Variants in ORC1 observed in about 807,000 individuals in gnomAD.
ORC1 encodes the protein origin recognition complex subunit 1, also known as origin recognition complex, subunit 1 homolog.
A neutral mutation model predicts 98.9 loss-of-function variants in ORC1; 61 were observed. The ratio of observed to expected loss-of-function variants is 0.62; its 90% CI spans 0.50 to 0.76. The LOEUF (loss-of-function observed/expected upper bound fraction) is 0.76. Ranked by LOEUF, ORC1 falls within the 30% of genes least tolerant of loss-of-function variation. The pLI, the probability that ORC1 is intolerant of heterozygous loss-of-function variation, is 0.00. For synonymous variants in ORC1, 385 were observed against 406.9 expected, an observed-to-expected ratio of 0.95 and a Z score of 0.65; for missense variants, 979 against 1,072.2, an observed-to-expected ratio of 0.91 and a Z score of 1.21.
intron 8 of ORC1, among the ~76,000 whole-genome samples, chr1:52,386,889 T>G (rs1246476820): frequency 1.3e-5 from 2 of 151,830 alleles, no homozygotes; most frequent in Admixed American, 6.6e-5. Context: ...AGGTTGAGGC[T>G]ACAGTGAGTT....
chr1:52,381,531 A>G, intron 14 of ORC1, 111 bp downstream of exon 14: 1 of 1,149,060 alleles, frequency 8.7e-7, no homozygotes, highest in South Asian at 1.3e-5. Context: ...ATATTTTTAC[A>G]CGACTTTCTA....
In ORC1 at chr1:52,393,772, A is replaced by G. The variant is rs1270012260; in HGVS notation, c.753T>C (p.Thr251=). 3 of 1,613,908 alleles carry G rather than the reference A, an allele frequency of 1.9e-6. No homozygotes were observed. The highest frequency in any genetic ancestry group is 1.1e-5 in the South Asian group (1 of 91,066). The stretch of plus-strand genomic sequence containing the variant: ...CTGGAGAATCCAAGGAGGCACATGA[A>G]GTCTGCTGGGACATCTGAGGGTTAC... ...NLGNPQMSQQ[T]SCASLDSPGR... The change falls in exon 6 of 17, where the codon ACT becomes ACC. Residue 251 remains threonine (T), a synonymous_variant. Coordinates refer to ENST00000371568, the MANE Select transcript of ORC1 (RefSeq NM_004153.4).
At chr1:52,408,828 C>A, upstream of ORC1, 1 of 1,109,746 alleles carries the variant, frequency 9.0e-7, no homozygotes, top group Non-Finnish European at 1.3e-6. Flanking sequence ...GCAGGTTTTC[C>A]CTTGTCCCTC....
At chr1:52,385,568 C>CA (rs1647131127) in intron 9 of ORC1, among the ~76,000 whole-genome samples, 1 of 152,162 alleles carries the variant, frequency 6.6e-6, no homozygotes, top group Non-Finnish European at 1.5e-5. Context: ...GGCATCAAAA[C>CA]AAAGAGGCAC....
intron 14 of ORC1, among the ~76,000 whole-genome samples, chr1:52,381,331 T>C (rs1233169519): frequency 2.0e-5 from 3 of 152,250 alleles, no homozygotes; most frequent in Non-Finnish European, 2.9e-5. Context: ...ACTTTCTGCA[T>C]GCCTACTAAG....
At position 52,384,839 on chromosome 1, in the gene ORC1, G is replaced by T. The variant is rs545938066; in HGVS notation, c.1584-118C>A. ...GGACCGAGACCCTTGAAATGTGGAG[G>T]TGGGGGCAGTAGGGACCATCCTTGG... is the stretch of plus-strand genomic sequence containing the variant. On this transcript the variant is annotated intron_variant, in intron 10 of 16. Coordinates refer to ENST00000371568, the MANE Select transcript of ORC1 (RefSeq NM_004153.4). 14 of 903,438 alleles carry T rather than the reference G, an allele frequency of 1.5e-5. No individual in the cohort carries two copies. The African/African-American group carries it at 2.1e-4, about 14-fold the overall frequency. 56.0% of individuals were successfully genotyped at this position (903,438 alleles called of 1,614,324 possible).
At position 52,388,556 on chromosome 1, in the gene ORC1, T is replaced by C. The variant is rs1647173693; in HGVS notation, c.1269A>G (p.Glu423=). 6.2e-7 allele frequency: 1 copy of C among 1,614,142 alleles called. No homozygotes were observed. Among genetic ancestry groups the C allele is most frequent in the Non-Finnish European group, 8.5e-7 (1 of 1,179,986 alleles). The change falls in exon 8 of 17, where the codon GAA becomes GAG. Residue 423 remains glutamate (E), a synonymous_variant. Transcript: ENST00000371568. ...AAEISDSSSD[E]EEASTPPLPR... is the part of the protein sequence containing the mutation. Reference sequence around the variant, plus strand: ...GAAGGGGCGGTGTGGAAGCCTCTTCTTCGTCACTGCTAGAGTCTGAAATCT... The same window carrying C: ...GAAGGGGCGGTGTGGAAGCCTCTTCCTCGTCACTGCTAGAGTCTGAAATCT...
rs927534439 is a variant in ORC1 at position 52,379,943 on chromosome 1, C to CA, written c.2133+1698dup. On this transcript the variant is annotated intron_variant, in intron 14 of 16. Coordinates refer to ENST00000371568, the MANE Select transcript of ORC1 (RefSeq NM_004153.4). ...TGAGACTCCGTCTCAAAACAAAAAA[C>CA]AAAAAAAACAAAGGAAATTTATTCT... Among the ~76,000 whole-genome samples, 194 of 151,542 alleles carry CA rather than the reference C, an allele frequency of 1.3e-3. 1 individual carries two copies. The highest frequency in any genetic ancestry group is 4.4e-3 in the African/African-American group (182 of 41,336).
chr1:52,408,377 A>C (rs958104622), upstream of ORC1: 3 of 716,990 alleles, frequency 4.2e-6, no homozygotes, highest in African/African-American at 5.2e-5. Context: ...CATAAATGGT[A>C]GCATGGGAAC....
chr1:52,406,274 G>A (rs1647993275), upstream of ORC1, among the ~76,000 whole-genome samples: 1 of 152,112 alleles, frequency 6.6e-6, no homozygotes, highest in South Asian at 2.1e-4. Context: ...TTACAGGCAT[G>A]AGCCACCACA....
At chr1:52,397,317 T>C (rs1313366357) in intron 4 of ORC1, among the ~76,000 whole-genome samples, 1 of 152,226 alleles carries the variant, frequency 6.6e-6, no homozygotes, top group East Asian at 1.9e-4. Flanking sequence ...CTGTAGCAAC[T>C]AGCACTCTTT....
chr1:52,384,632 T>A lies in ORC1; in HGVS notation c.1673A>T (p.Asn558Ile). Reference protein sequence around the residue: ...IRCLQQAAQANDVPPFQYIEV... With the variant: ...IRCLQQAAQAIDVPPFQYIEV... The stretch of plus-strand genomic sequence containing the variant: ...AATGTATTGAAAGGGAGGAACATCA[T>A]TGGCTTGGGCTGCCTGCTGCAGGCA... Residue 558 changes from asparagine (N) to isoleucine (I), a missense_variant, in exon 11 of 17, where the codon AAT becomes ATT. Transcript: ENST00000371568. 1 of 1,613,866 alleles carries A rather than the reference T, an allele frequency of 6.2e-7. No homozygotes were observed. Among genetic ancestry groups the A allele is most frequent in the Admixed American group, 1.7e-5 (1 of 60,014 alleles).
chr1:52,404,989 A>C, upstream of ORC1: 1 of 1,337,434 alleles, frequency 7.5e-7, no homozygotes, highest in East Asian at 2.3e-5. Flanking sequence ...GGAACGGAGT[A>C]TGTCGATCAT....
intron 14 of ORC1, among the ~76,000 whole-genome samples, chr1:52,380,627 G>A (rs908415878): frequency 3.9e-4 from 60 of 152,020 alleles, no homozygotes; most frequent in African/African-American, 1.4e-3. Flanking sequence ...CCTAGAAGGC[G>A]GAGGTTGCAG....
intron 4 of ORC1, among the ~76,000 whole-genome samples, chr1:52,397,040 T>G (rs967248205): frequency 2.0e-5 from 3 of 152,204 alleles, no homozygotes; most frequent in Admixed American, 2.0e-4. Flanking sequence ...AACTTTTGCA[T>G]CTGCCTCACA....
Position 52,389,315 on chromosome 1 carries a change from T to C in ORC1, c.1089A>G (p.Ala363=), listed in dbSNP as rs779938849. Residue 363 remains alanine, a synonymous_variant, in exon 7 of 17, where the codon GCA becomes GCG. Transcript: ENST00000371568. ...CTTCATTCTGGGCTTTTGCTTCTTT[T>C]GCATCCCTGCAAGAAACCACAGCGA... The part of the protein sequence containing the change: ...LKPENIKKRD[A]KEAKAQNEAT... The C allele has an allele frequency of 2.5e-6, 4 of 1,613,680 alleles. No individual in the cohort carries two copies. Among genetic ancestry groups the C allele is most frequent in the Non-Finnish European group, 8.5e-7 (1 of 1,179,684 alleles).
chr1:52,374,932 G>A (rs760830204), intron 15 of ORC1, 35 bp from the exon 16 acceptor site: 1 of 1,379,992 alleles, frequency 7.2e-7, no homozygotes, highest in East Asian at 2.3e-5. Flanking sequence ...GTTTTTGTCA[G>A]TGGCTGTAAC....
In ORC1 at chr1:52,397,826, C is replaced by A; in HGVS notation, c.261G>T (p.Gln87His). ...DPPPKKRARV[Q>H]WFVRFCEVPA... ...GGACTTCACAGAATCGGACAAACCACTGTACTCGAGCACGTTTCTTAGGAG... is the reference window on the plus strand; with the variant it reads ...GGACTTCACAGAATCGGACAAACCAATGTACTCGAGCACGTTTCTTAGGAG... Residue 87 changes from glutamine (Q) to histidine (H), a missense_variant, in exon 4 of 17, where the codon CAG becomes CAT. By Grantham distance (24) the Gln-to-His change is conservative. Transcript: ENST00000371568. 1 of 1,614,258 alleles carries A rather than the reference C, an allele frequency of 6.2e-7. No homozygotes were observed. Among genetic ancestry groups the A allele is most frequent in the Non-Finnish European group, 8.5e-7 (1 of 1,180,044 alleles).
rs770236964 is a variant in ORC1, at chr1:52,373,215, T to C, written c.2552A>G (p.Gln851Arg). The C allele has an allele frequency of 5.0e-6, 8 of 1,614,208 alleles. No homozygotes were observed. The East Asian group carries it at 1.6e-4, about 31-fold the overall frequency. Residue 851 changes from glutamine (Q) to arginine (R), a missense_variant, in exon 17 of 17, where the codon CAG (glutamine) becomes CGG (arginine). By Grantham distance (43) the Gln-to-Arg change is conservative. Transcript: ENST00000371568. Reference sequence around the variant, plus strand: ...TTTCAGCGCATACAGCACATCATCCTGGCTGACGTTGAGCCGCACCCGAAG... The same window carrying C: ...TTTCAGCGCATACAGCACATCATCCCGGCTGACGTTGAGCCGCACCCGAAG... The part of the protein sequence containing the change: ...LLLRVRLNVS[Q>R]DDVLYALKDE
Sources: allele counts gnomAD v4.1 joint callset (sites outside exome capture counted in the v4.1 genomes callset), GRCh38; gene constraint gnomAD v4.1.1; transcripts MANE v1.5; gene names NCBI Gene and HGNC (gene_info 2026-07-23, HGNC 2026-07-21).